REC114: variants seen among roughly 807,000 people sequenced by gnomAD.
The protein encoded by REC114 is meiotic recombination protein REC114.
Under a neutral mutation model 31.3 loss-of-function variants are expected in REC114, and 27 were observed. That is an observed-to-expected ratio of 0.86 (90% CI 0.64 to 1.19). The LOEUF (loss-of-function observed/expected upper bound fraction) is 1.19, where lower values mean the gene tolerates loss of function less well. Among genes scored for constraint, REC114 ranks in the 50% most tolerant of loss-of-function variants. The pLI is 0.00. For synonymous variants in REC114, 134 were observed against 127.7 expected (o/e 1.05, Z -0.33); for missense variants, 344 against 326.9 (o/e 1.05, Z -0.40).
intron 1 of REC114, among the ~76,000 whole-genome samples, chr15:73,451,043 A>C (rs1567845957): frequency 1.3e-5 from 2 of 152,228 alleles, no homozygotes; most frequent in Non-Finnish European, 2.9e-5. Context: ...GGAAAGACCT[A>C]AGGTTGGCAC....
chr15:73,550,829 T>TATC, intron 3 of REC114, 109 bp from the exon 4 acceptor site: 1 of 962,398 alleles, frequency 1.0e-6, no homozygotes, highest in Non-Finnish European at 1.6e-6. Context: ...ACTGTTCCCT[T>TATC]ATCTATACCT....
intron 2 of REC114, among the ~76,000 whole-genome samples, chr15:73,496,499 A>C (rs1328941716): frequency 1.3e-5 from 2 of 151,786 alleles, no homozygotes; most frequent in Non-Finnish European, 2.9e-5. Context: ...CAAAAAACAC[A>C]AAAATTAGCC....
At chr15:73,444,068 A>T (rs149050665) in intron 1 of REC114, among the ~76,000 whole-genome samples, 2 of 152,354 alleles carry the variant, frequency 1.3e-5, no homozygotes, top group South Asian at 4.1e-4. Context: ...ATTCGAGAAT[A>T]CTTTATTGCT....
At chr15:73,550,149 C>G (rs1438817200) in intron 3 of REC114, among the ~76,000 whole-genome samples, 1 of 152,100 alleles carries the variant, frequency 6.6e-6, no homozygotes. Context: ...GTTGACTCCT[C>G]TAAACTAGGC....
chr15:73,455,678 GAATTA>G (rs1892905608), intron 1 of REC114, among the ~76,000 whole-genome samples: 1 of 152,130 alleles, frequency 6.6e-6, no homozygotes, highest in African/African-American at 2.4e-5. Context: ...TCTTTGAACT[GAATTA>G]ATCTTGTTAA....
intron 2 of REC114, among the ~76,000 whole-genome samples, chr15:73,475,855 A>G (rs930174232): frequency 6.6e-6 from 1 of 152,090 alleles, no homozygotes; most frequent in Non-Finnish European, 1.5e-5. Flanking sequence ...TTCACCACTC[A>G]CTCACCCAGA....
intron 2 of REC114, among the ~76,000 whole-genome samples, chr15:73,486,093 C>T (rs896798740): frequency 1.3e-5 from 2 of 152,112 alleles, no homozygotes; most frequent in African/African-American, 4.8e-5. Context: ...AATCTTCCAC[C>T]ATACCTTTTT....
chr15:73,459,520 C>CCG (rs1892961716), intron 1 of REC114, among the ~76,000 whole-genome samples: 1 of 152,170 alleles, frequency 6.6e-6, no homozygotes, highest in Non-Finnish European at 1.5e-5. Flanking sequence ...GCATGAGCCA[C>CCG]CGCGCCCGGC....
chr15:73,517,322 GA>G (rs869226310), intron 2 of REC114, among the ~76,000 whole-genome samples: 18 of 151,932 alleles, frequency 1.2e-4, no homozygotes, highest in Admixed American at 3.9e-4. Context: ...CTCAAACAAA[GA>G]AAAAAAATTT....
intron 2 of REC114, among the ~76,000 whole-genome samples, chr15:73,494,554 T>C (rs1893491438): frequency 2.0e-5 from 3 of 152,134 alleles, no homozygotes. Context: ...CTTTAAATTA[T>C]TTTTCTTTTT....
chr15:73,513,819 C>A (rs1423919922), intron 2 of REC114, among the ~76,000 whole-genome samples: 18 of 151,518 alleles, frequency 1.2e-4, no homozygotes, highest in Admixed American at 5.9e-4. Context: ...TCTCCAGCTG[C>A]GTGCTGGGAG....
At chr15:73,466,246 T>C (rs1390075662) in intron 1 of REC114, among the ~76,000 whole-genome samples, 1 of 152,080 alleles carries the variant, frequency 6.6e-6, no homozygotes, top group Non-Finnish European at 1.5e-5. Flanking sequence ...ATAAGTGAAG[T>C]TTTTTTAAGT....
At chr15:73,513,445 C>T (rs1012202846) in intron 2 of REC114, among the ~76,000 whole-genome samples, 7 of 148,644 alleles carry the variant, frequency 4.7e-5, no homozygotes, top group East Asian at 4.0e-4. Context: ...TCTCTCAGCT[C>T]GTCAAAGTCA....
At chr15:73,497,390 T>C (rs918006389) in intron 2 of REC114, among the ~76,000 whole-genome samples, 3 of 152,222 alleles carry the variant, frequency 2.0e-5, no homozygotes, top group Non-Finnish European at 4.4e-5. Context: ...TCTATCAGTA[T>C]GGACTCATAG....
At chr15:73,483,093 T>C (rs1483146113) in intron 2 of REC114, 1 of 152,232 alleles carries the variant, frequency 6.6e-6, no homozygotes, top group Non-Finnish European at 1.5e-5. Flanking sequence ...GTTTCTCTAA[T>C]GATTAGTGAG....
chr15:73,552,920 T>G (rs1190935006), intron 4 of REC114, among the ~76,000 whole-genome samples: 1 of 152,190 alleles, frequency 6.6e-6, no homozygotes, highest in Non-Finnish European at 1.5e-5. Context: ...GTTCAAGCCA[T>G]TCTCCTGCCT....
chr15:73,514,566 G>A (rs1893832284), intron 2 of REC114, among the ~76,000 whole-genome samples: 2 of 152,100 alleles, frequency 1.3e-5, no homozygotes, highest in Non-Finnish European at 2.9e-5. Flanking sequence ...ATTTAAAAAT[G>A]TCTGTCACAA....
chr15:73,464,618 A>C (rs977464968), intron 1 of REC114, among the ~76,000 whole-genome samples: 2 of 152,092 alleles, frequency 1.3e-5, no homozygotes, highest in Non-Finnish European at 2.9e-5. Flanking sequence ...GGAAGGATTG[A>C]GTTAAGTTGG....
At chr15:73,519,772 G>A (rs565504185) in intron 2 of REC114, among the ~76,000 whole-genome samples, 9 of 152,170 alleles carry the variant, frequency 5.9e-5, no homozygotes, top group Admixed American at 1.3e-4. Flanking sequence ...TGGTATTTAC[G>A]TATAATGGAA....
Sources: allele counts gnomAD v4.1 joint callset (sites outside exome capture counted in the v4.1 genomes callset), GRCh38; gene constraint gnomAD v4.1.1; transcripts MANE v1.5; gene names NCBI Gene and HGNC (gene_info 2026-07-23, HGNC 2026-07-21).